Variants in TEX15 observed in about 807,000 individuals in gnomAD.
TEX15 encodes testis expressed 15, meiosis and synapsis associated.
In TEX15, 171 loss-of-function variants were observed where a neutral mutation model predicts 237.3. The observed-to-expected ratio is 0.72, with a 90% confidence interval of 0.64 to 0.82. The LOEUF (loss-of-function observed/expected upper bound fraction) is 0.82. TEX15 is among the 40% of genes least tolerant of loss of function. The pLI is 0.00. For synonymous variants in TEX15, 1,338 were observed against 1,269.8 expected (o/e 1.05, Z -1.14); for missense variants, 3,750 against 3,646.5 (o/e 1.03, Z -0.73).
rs571784449 is a variant in TEX15, at chr8:30,842,655, A to G, written c.7512T>C (p.Asp2504=). 1 of 1,612,424 alleles carries G rather than the reference A, an allele frequency of 6.2e-7. No individual in the cohort carries two copies. The highest frequency in any genetic ancestry group is 1.1e-5 in the South Asian group (1 of 91,072). ...SFSFLKDNST[D]VCLWKVIETA... Reference sequence around the variant, plus strand: ...TCTCTATCACTTTCCAAAGGCAAACATCTGTTGAGTTATCTTTAAGAAATG... The same window carrying G: ...TCTCTATCACTTTCCAAAGGCAAACGTCTGTTGAGTTATCTTTAAGAAATG... The change falls in exon 8 of 11, where the codon GAT becomes GAC. Residue 2504 remains aspartate (D), a synonymous_variant. Coordinates refer to ENST00000643185, the MANE Select transcript of TEX15 (RefSeq NM_001350162.2).
chr8:30,860,402 G>A (rs1472818433), intron 5 of TEX15, among the ~76,000 whole-genome samples: 3 of 151,724 alleles, frequency 2.0e-5, no homozygotes, highest in East Asian at 1.9e-4. Flanking sequence ...ATGAGCCACC[G>A]TGCCAGGCCC....
chr8:30,887,171 C>A lies in TEX15; in HGVS notation c.132G>T (p.Glu44Asp). The change falls in exon 3 of 11, where the codon GAG (glutamate) becomes GAT (aspartate). Residue 44 changes from glutamate (E) to aspartate (D), a missense_variant. Coordinates refer to ENST00000643185, the MANE Select transcript of TEX15 (RefSeq NM_001350162.2). ...FTIPKIRRTAEKVYLSPCYTN... is the reference protein window; with the variant it reads ...FTIPKIRRTADKVYLSPCYTN... ...TCCCAACCACAGAAATATTACCTTT[C>A]TCAGCTGTCCTCCTGATCTTAGGAA... is the stretch of plus-strand genomic sequence containing the variant. 1 of 1,530,102 alleles carries A rather than the reference C, an allele frequency of 6.5e-7. No homozygotes were observed. The highest frequency in any genetic ancestry group is 8.7e-7 in the Non-Finnish European group (1 of 1,145,258). The allele number at this position is 1,530,102 out of a possible 1,614,324, so 94.8% of individuals were successfully genotyped here.
At chr8:30,872,949 C>T (rs1057341375) in intron 4 of TEX15, among the ~76,000 whole-genome samples, 1 of 152,022 alleles carries the variant, frequency 6.6e-6, no homozygotes, top group African/African-American at 2.4e-5. Context: ...TTAGCGTAGC[C>T]TAAGTGTACA....
Position 30,844,825 on chromosome 8 carries a change from T to C in TEX15, c.5342A>G (p.Asp1781Gly). Residue 1781 changes from aspartate to glycine, a missense_variant, in exon 8 of 11, where the codon GAT becomes GGT. Transcript: ENST00000643185. Reference protein sequence around the residue: ...QCSSGNCLHTDGNETNVTENY... With the variant: ...QCSSGNCLHTGGNETNVTENY... ...CTCAGTGACATTTGTTTCATTCCCATCTGTATGGAGGCAATTACCTGAAGA... is the reference window on the plus strand; with the variant it reads ...CTCAGTGACATTTGTTTCATTCCCACCTGTATGGAGGCAATTACCTGAAGA... 1.2e-6 allele frequency: 2 copies of C among 1,613,532 alleles called. No homozygotes were observed. The highest frequency in any genetic ancestry group is 8.5e-7 in the Non-Finnish European group (1 of 1,179,584).
At chr8:30,886,642 C>T (rs891389087) in intron 3 of TEX15, among the ~76,000 whole-genome samples, 4 of 152,140 alleles carry the variant, frequency 2.6e-5, no homozygotes, top group Non-Finnish European at 5.9e-5. Flanking sequence ...TCCAGGATCC[C>T]CACTCAACCT....
Position 30,845,339 on chromosome 8 carries a change from C to A in TEX15, c.4828G>T (p.Glu1610Ter). 1 of 1,612,334 alleles carries A rather than the reference C, an allele frequency of 6.2e-7. No individual in the cohort carries two copies. Among genetic ancestry groups the A allele is most frequent in the South Asian group, 1.1e-5 (1 of 90,928 alleles). ...ACAGAATTACTTTCATTTATTACTT[C>A]ATTAGCGTCACAACTGTTTTCTTTA... The part of the protein sequence containing the change: ...ATKENSCDAN[E>*]VINESNSVSL... Residue 1610 changes from glutamate (E) to a stop codon, truncating the protein, a stop_gained, in exon 8 of 11, where the codon GAA (glutamate) becomes TAA (stop). Transcript: ENST00000643185. LOFTEE classifies it high-confidence loss of function.
At chr8:30,857,007 G>T (rs897813448) in intron 7 of TEX15, among the ~76,000 whole-genome samples, 2 of 152,186 alleles carry the variant, frequency 1.3e-5, no homozygotes, top group Non-Finnish European at 2.9e-5. Context: ...ATAGGTATTA[G>T]TATTTTTTCT....
At chr8:30,840,105 CA>C in intron 8 of TEX15, 141 bp from the exon 9 acceptor site, 1 of 461,918 alleles carries the variant, frequency 2.2e-6, no homozygotes, top group Non-Finnish European at 3.7e-6. Context: ...CACCTCCCTG[CA>C]GAAAGCAGTG....
chr8:30,911,359 C>A, intron 1 of TEX15, among the ~76,000 whole-genome samples: 1 of 152,200 alleles, frequency 6.6e-6, no homozygotes, highest in Non-Finnish European at 1.5e-5. Context: ...CCCATGTTGC[C>A]CAGGCTGGTT....
intron 4 of TEX15, among the ~76,000 whole-genome samples, chr8:30,870,969 T>C (rs1003662694): frequency 1.3e-5 from 2 of 151,942 alleles, no homozygotes; most frequent in African/African-American, 2.4e-5. Context: ...AGCAAGGAGA[T>C]TTCCCAGCTT....
intron 5 of TEX15, among the ~76,000 whole-genome samples, chr8:30,864,634 A>G (rs925505072): frequency 6.6e-6 from 1 of 151,568 alleles, no homozygotes; most frequent in African/African-American, 2.4e-5. Flanking sequence ...AAAAAAAAAA[A>G]AAAGGCTGAA....
chr8:30,848,518 T>G lies in TEX15; in HGVS notation c.1649A>C (p.Glu550Ala). 1.2e-6 allele frequency: 2 copies of G among 1,614,170 alleles called. 1 individual carries two copies. The highest frequency in any genetic ancestry group is 2.2e-5 in the South Asian group (2 of 91,078). Residue 550 changes from glutamate to alanine, a missense_variant, in exon 8 of 11, where the codon GAG (glutamate) becomes GCG (alanine). By Grantham distance (107) the Glu-to-Ala change is moderately radical. Transcript: ENST00000643185. The part of the protein sequence containing the change: ...FPISVSNVVS[E>A]VENQNHSEEK... ...CTCACTGTGGTTTTGGTTCTCAACC[T>G]CTGACACTACATTTGACACAGAAAT... is the stretch of plus-strand genomic sequence containing the variant.
At chr8:30,872,702 T>C (rs13262377) in intron 4 of TEX15, among the ~76,000 whole-genome samples, 7,893 of 152,032 alleles carry the variant, frequency 0.052, 280 homozygotes, top group Non-Finnish European at 0.082. Context: ...GCTTTAGGCT[T>C]ATGTGTGTGT....
chr8:30,903,783 C>T (rs547604232), intron 1 of TEX15, among the ~76,000 whole-genome samples: 5 of 152,296 alleles, frequency 3.3e-5, no homozygotes, highest in African/African-American at 9.6e-5. Context: ...CTTAAAGCCA[C>T]TTGTCTTCCC....
chr8:30,843,068 G>C lies in TEX15; in HGVS notation c.7099C>G (p.Pro2367Ala). Residue 2367 changes from proline to alanine, a missense_variant, in exon 8 of 11, where the codon CCA becomes GCA. Transcript: ENST00000643185. The part of the protein sequence containing the change: ...SKFNSNLLAH[P>A]DICCISEILD... Reference sequence around the variant, plus strand: ...ATCTCACTAATACAACAAATATCTGGGTGTGCAAGCAAATTACTGTTAAAT... The same window carrying C: ...ATCTCACTAATACAACAAATATCTGCGTGTGCAAGCAAATTACTGTTAAAT... 6.2e-7 allele frequency: 1 copy of C among 1,613,142 alleles called. No individual in the cohort carries two copies. The highest frequency in any genetic ancestry group is 8.5e-7 in the Non-Finnish European group (1 of 1,179,628).
intron 7 of TEX15, 105 bp from the exon 8 acceptor site, chr8:30,849,421 T>C (rs1807718318): frequency 1.6e-6 from 1 of 637,644 alleles, no homozygotes; most frequent in African/African-American, 1.8e-5. Context: ...GTTCAGCTAA[T>C]AACCTAATGA....
At chr8:30,902,095 C>T (rs186906122) in intron 1 of TEX15, among the ~76,000 whole-genome samples, 1 of 152,062 alleles carries the variant, frequency 6.6e-6, no homozygotes, top group Non-Finnish European at 1.5e-5. Context: ...AGGCTGGGCC[C>T]GGAAATCTGT....
In TEX15 at chr8:30,858,844, A is replaced by T. The variant is rs1807973192; in HGVS notation, c.688-14T>A. On this transcript the variant is annotated splice_polypyrimidine_tract_variant and intron_variant, in intron 6 of 10. Coordinates refer to ENST00000643185, the MANE Select transcript of TEX15 (RefSeq NM_001350162.2). ...ATAGAAGTACACCTGAAAGATGAAA[A>T]CAGGTTCATGCTGATTAATTTTGGC... 6.6e-7 allele frequency: 1 copy of T among 1,515,952 alleles called. No individual in the cohort carries two copies. The highest frequency in any genetic ancestry group is 1.4e-5 in the African/African-American group (1 of 71,742). 93.9% of individuals were successfully genotyped at this position (1,515,952 alleles called of 1,614,324 possible).
Position 30,837,633 on chromosome 8 carries a change from T to G in TEX15, c.8651A>C (p.Asp2884Ala). The G allele has an allele frequency of 1.9e-6, 3 of 1,613,924 alleles. No individual in the cohort carries two copies. The highest frequency in any genetic ancestry group is 2.5e-6 in the Non-Finnish European group (3 of 1,179,818). ...SCLSDINPET[D>A]VSLVPDASVL... ...CGACGCATCAGGCACAAGAGAAACATCAGTTTCTGGGTTTATATCAGAAAG... is the reference window on the plus strand; with the variant it reads ...CGACGCATCAGGCACAAGAGAAACAGCAGTTTCTGGGTTTATATCAGAAAG... Residue 2884 changes from aspartate to alanine, a missense_variant, in exon 10 of 11, where the codon GAT (aspartate) becomes GCT (alanine). Coordinates refer to ENST00000643185, the MANE Select transcript of TEX15 (RefSeq NM_001350162.2).
Sources: allele counts gnomAD v4.1 joint callset (sites outside exome capture counted in the v4.1 genomes callset), GRCh38; gene constraint gnomAD v4.1.1; transcripts MANE v1.5; gene names NCBI Gene and HGNC (gene_info 2026-07-23, HGNC 2026-07-21).